SETX: variants seen among roughly 807,000 people sequenced by gnomAD.
The protein encoded by SETX is helicase senataxin.
SETX carries 90 observed loss-of-function variants against 227.2 expected under a neutral mutation model. That is an observed-to-expected ratio of 0.40 (90% CI 0.33 to 0.47). SETX has a LOEUF of 0.47. SETX is among the 20% of genes least tolerant of loss of function. The pLI is 0.91. For synonymous variants in SETX, 1,210 were observed against 1,113.2 expected, an observed-to-expected ratio of 1.09 and a Z score of -1.73; for missense variants, 3,052 against 3,181.5, an observed-to-expected ratio of 0.96 and a Z score of 0.98.
At chr9:132,343,321 AAAC>A (rs944725183) in intron 4 of SETX, among the ~76,000 whole-genome samples, 4 of 152,114 alleles carry the variant, frequency 2.6e-5, no homozygotes, top group African/African-American at 7.2e-5. Context: ...CTCCATCTCA[AAAC>A]AACAACAAAA....
intron 11 of SETX, among the ~76,000 whole-genome samples, chr9:132,306,278 T>A (rs1196753513): frequency 6.6e-6 from 1 of 152,192 alleles, no homozygotes; most frequent in African/African-American, 2.4e-5. Flanking sequence ...AATGGCGCAA[T>A]CTCGGTTCAC....
In SETX at chr9:132,269,580, A is replaced by AC. The variant is rs1332363391; in HGVS notation, c.7287+34dup. The stretch of plus-strand genomic sequence containing the variant: ...ACAAAAACTCAATCCAACAACAGTA[A>AC]CAATGGGTAAACTTCTGAGCTCTCT... On this transcript the variant is annotated intron_variant, in intron 25 of 25. Transcript: ENST00000224140. 4 of 1,612,774 alleles carry AC rather than the reference A, an allele frequency of 2.5e-6. No individual in the cohort carries two copies. The Admixed American group carries it at 6.7e-5, about 27-fold the overall frequency.
chr9:132,344,431 G>A (rs989576362), intron 4 of SETX, among the ~76,000 whole-genome samples: 5 of 152,116 alleles, frequency 3.3e-5, no homozygotes, highest in African/African-American at 4.8e-5. Context: ...ACACTGCCGA[G>A]GGTGAGAAGA....
intron 6 of SETX, 120 bp downstream of exon 6, chr9:132,336,176 G>A (rs1353608298): frequency 1.2e-6 from 1 of 810,592 alleles, no homozygotes; most frequent in East Asian, 2.7e-5. Flanking sequence ...CTGGGAGGTG[G>A]AGCTTGCGGT....
chr9:132,326,794 T>C lies in SETX; in HGVS notation c.4804A>G (p.Lys1602Glu). 6.2e-7 allele frequency: 1 copy of C among 1,614,210 alleles called. No individual in the cohort carries two copies. Among genetic ancestry groups the C allele is most frequent in the Non-Finnish European group, 8.5e-7 (1 of 1,180,042 alleles). ...LRPTTKIFSS[K>E]STSRIAGLSK... is the part of the protein sequence containing the mutation. ...AGACCAGCAATTCGTGAAGTACTCTTTGAGCTAAAAATCTTAGTGGTAGGT... is the reference window on the plus strand; with the variant it reads ...AGACCAGCAATTCGTGAAGTACTCTCTGAGCTAAAAATCTTAGTGGTAGGT... The change falls in exon 10 of 26, where the codon AAG becomes GAG. Residue 1602 changes from lysine to glutamate, a missense_variant. This residue lies in a region of SETX where 1,483 missense variants were observed against 1,312.0 expected (regional missense o/e 1.13). Transcript: ENST00000224140.
intron 10 of SETX, among the ~76,000 whole-genome samples, chr9:132,320,110 C>T (rs1482398136): frequency 6.6e-6 from 1 of 152,202 alleles, no homozygotes; most frequent in Non-Finnish European, 1.5e-5. Context: ...CTTCCCGTCA[C>T]ATCAATATAC....
chr9:132,264,686 T>A lies in SETX; in HGVS notation c.7587A>T (p.Arg2529Ser). 6.2e-7 allele frequency: 1 copy of A among 1,614,046 alleles called. No homozygotes were observed. ...TLTVTSKDPE[R>S]PPVHDQLQDP... is the part of the protein sequence containing the mutation. Reference sequence around the variant, plus strand: ...CCTGAAGTTGGTCATGAACAGGAGGTCTTTCAGGGTCCTTTGAAGTAACAG... The same window carrying A: ...CCTGAAGTTGGTCATGAACAGGAGGACTTTCAGGGTCCTTTGAAGTAACAG... The change falls in exon 26 of 26, where the codon AGA (arginine) becomes AGT (serine). Residue 2529 changes from arginine (R) to serine (S), a missense_variant. Transcript: ENST00000224140.
chr9:132,310,533 G>A (rs570140908), intron 11 of SETX, among the ~76,000 whole-genome samples: 37 of 152,290 alleles, frequency 2.4e-4, no homozygotes, highest in African/African-American at 8.7e-4. Flanking sequence ...CTGCTTGCGA[G>A]GCTGCCCCTT....
intron 20 of SETX, among the ~76,000 whole-genome samples, chr9:132,279,850 C>T (rs1179218113): frequency 6.6e-6 from 1 of 151,994 alleles, no homozygotes; most frequent in African/African-American, 2.4e-5. Flanking sequence ...GGAGGATGTC[C>T]CTGATTTACT....
chr9:132,308,036 C>T (rs1048185888), intron 11 of SETX, among the ~76,000 whole-genome samples: 5 of 152,152 alleles, frequency 3.3e-5, no homozygotes, highest in Non-Finnish European at 7.4e-5. Flanking sequence ...TTTATACTGC[C>T]TTTCCTTTAT....
At chr9:132,275,172 A>G (rs1843093818) in intron 23 of SETX, 84 bp downstream of exon 23, 1 of 1,463,390 alleles carries the variant, frequency 6.8e-7, no homozygotes, top group African/African-American at 1.4e-5. Flanking sequence ...CCACTCCTTA[A>G]GAGTTTCCCT....
chr9:132,283,674 T>C (rs1026365388), intron 18 of SETX, among the ~76,000 whole-genome samples: 1 of 152,206 alleles, frequency 6.6e-6, no homozygotes, highest in Admixed American at 6.5e-5. Context: ...CAGGGTTTGA[T>C]TTGGTCAAAG....
intron 13 of SETX, 110 bp from the exon 14 acceptor site, chr9:132,297,164 GC>G: frequency 1.1e-6 from 1 of 913,430 alleles, no homozygotes. Context: ...TGAGACAAAA[GC>G]TTTGGTTATG....
intron 5 of SETX, among the ~76,000 whole-genome samples, chr9:132,338,616 C>CTTA (rs1166530763): frequency 6.6e-6 from 1 of 152,062 alleles, no homozygotes; most frequent in African/African-American, 2.4e-5. Flanking sequence ...TCATTGTGGT[C>CTTA]TTATTATTTC....
chr9:132,323,962 T>C (rs544544326), intron 10 of SETX, among the ~76,000 whole-genome samples: 181 of 152,062 alleles, frequency 1.2e-3, no homozygotes, highest in Non-Finnish European at 1.6e-3. Context: ...TCATTAAGAA[T>C]AGAAAATAGT....
In SETX at chr9:132,328,979, T is replaced by C. The variant is rs1279378275; in HGVS notation, c.2619A>G (p.Glu873=). ...LPKEKQLKNE[E]LVIFSFHENN... is the part of the protein sequence containing the mutation. ...TTTCATGGAAAGAGAAAATAACTAATTCTTCATTCTTTAATTGTTTCTCTT... is the reference window on the plus strand; with the variant it reads ...TTTCATGGAAAGAGAAAATAACTAACTCTTCATTCTTTAATTGTTTCTCTT... The change falls in exon 10 of 26, where the codon GAA becomes GAG. Residue 873 remains glutamate, a synonymous_variant. Coordinates refer to ENST00000224140, the MANE Select transcript of SETX (RefSeq NM_015046.7). 2.5e-6 allele frequency: 4 copies of C among 1,606,338 alleles called. No homozygotes were observed. The Admixed American group carries it at 5.1e-5, about 21-fold the overall frequency.
chr9:132,275,305 G>A lies in SETX; in HGVS notation c.7051C>T (p.Gln2351Ter), dbSNP rs1200277309. The A allele has an allele frequency of 6.2e-7, 1 of 1,613,988 alleles. No individual in the cohort carries two copies. Among genetic ancestry groups the A allele is most frequent in the Non-Finnish European group, 8.5e-7 (1 of 1,179,978 alleles). ...AAATCCTTCTGAATCATCGTCTTCTGGGCCTTGTAATGAGTTATTATGCCA... is the reference window on the plus strand; with the variant it reads ...AAATCCTTCTGAATCATCGTCTTCTAGGCCTTGTAATGAGTTATTATGCCA... ...NIGIITHYKA[Q>*]KTMIQKDLDK... The change falls in exon 23 of 26, where the codon CAG becomes TAG. Residue 2351 changes from glutamine (Q) to a stop codon, truncating the protein, a stop_gained. Coordinates refer to ENST00000224140, the MANE Select transcript of SETX (RefSeq NM_015046.7). LOFTEE classifies it high-confidence loss of function.
At chr9:132,331,241 A>G in intron 8 of SETX, 36 bp downstream of exon 8, 1 of 1,612,892 alleles carries the variant, frequency 6.2e-7, no homozygotes, top group East Asian at 2.2e-5. Flanking sequence ...TTTCTTATAG[A>G]GATGATGTTT....
At chr9:132,315,899 T>C (rs1230959152) in intron 10 of SETX, among the ~76,000 whole-genome samples, 1 of 152,196 alleles carries the variant, frequency 6.6e-6, no homozygotes, top group Non-Finnish European at 1.5e-5. Flanking sequence ...TGTGTTAGTA[T>C]AACCGAAAAA....
Sources: allele counts gnomAD v4.1 joint callset (sites outside exome capture counted in the v4.1 genomes callset), GRCh38; gene constraint gnomAD v4.1.1; regional missense constraint gnomAD v4.1.1; transcripts MANE v1.5; gene names NCBI Gene and HGNC (gene_info 2026-07-23, HGNC 2026-07-21).